Variants in NANS observed in about 807,000 individuals in gnomAD.
NANS encodes the protein N-acetylneuraminate-9-phosphate synthase.
A neutral mutation model predicts 33.3 loss-of-function variants in NANS; 29 were observed. The ratio of observed to expected loss-of-function variants is 0.87; its 90% confidence interval spans 0.65 to 1.19. The LOEUF is 1.19. Ranked by LOEUF, NANS falls within the 50% of genes most tolerant of loss-of-function variation. NANS has a pLI of 0.00. For missense variants in NANS, 394 were observed against 461.1 expected, an observed-to-expected ratio of 0.85 and a Z score of 1.33; for synonymous variants, 163 against 177.2, an observed-to-expected ratio of 0.92 and a Z score of 0.64.
intron 2 of NANS, among the ~76,000 whole-genome samples, chr9:98,068,144 T>G (rs991369408): frequency 6.6e-6 from 1 of 152,188 alleles, no homozygotes; most frequent in Non-Finnish European, 1.5e-5. Flanking sequence ...CTCATTTATT[T>G]TTATTTTTGA....
At chr9:98,069,589 G>A (rs1358224177) in intron 2 of NANS, 1 of 152,278 alleles carries the variant, frequency 6.6e-6, no homozygotes, top group African/African-American at 2.4e-5. Context: ...AACTATTGAT[G>A]CGTGCAGCAG....
chr9:98,080,128 C>T (rs934303352), intron 4 of NANS, among the ~76,000 whole-genome samples: 2 of 152,188 alleles, frequency 1.3e-5, no homozygotes. Flanking sequence ...GCAGGAGAAT[C>T]GCTTGAACCC....
chr9:98,080,830 C>A lies in NANS; in HGVS notation c.618C>A (p.Leu206=), dbSNP rs771758081. The part of the protein sequence containing the change: ...NLRVISEYQK[L]FPDIPIGYSG... ...CCATTTTAAAGGAATATCAGAAGCT[C>A]TTTCCTGACATTCCCATAGGGTATT... Residue 206 remains leucine, a synonymous_variant, in exon 5 of 6, where the codon CTC becomes CTA. Transcript: ENST00000210444. 2 of 1,583,684 alleles carry A rather than the reference C, an allele frequency of 1.3e-6. No individual in the cohort carries two copies. Among genetic ancestry groups the A allele is most frequent in the Non-Finnish European group, 1.7e-6 (2 of 1,161,010 alleles).
At chr9:98,062,079 A>G (rs1191692218) in intron 2 of NANS, among the ~76,000 whole-genome samples, 1 of 150,788 alleles carries the variant, frequency 6.6e-6, no homozygotes, top group African/African-American at 2.4e-5. Context: ...AAAATTAGCC[A>G]GGCGTGGTGG....
intron 2 of NANS, chr9:98,074,902 G>A (rs1829514310): frequency 1.3e-5 from 2 of 152,076 alleles, no homozygotes; most frequent in Admixed American, 1.3e-4. Context: ...AGAAGGGTAG[G>A]AAAATTAGAT....
chr9:98,065,242 A>G (rs1829101881), intron 2 of NANS, among the ~76,000 whole-genome samples: 1 of 151,558 alleles, frequency 6.6e-6, no homozygotes, highest in Admixed American at 6.6e-5. Flanking sequence ...TTTTCAACAG[A>G]GAATTACAAT....
At chr9:98,061,126 C>G in intron 2 of NANS, 129 bp downstream of exon 2, 1 of 828,426 alleles carries the variant, frequency 1.2e-6, no homozygotes, top group Non-Finnish European at 1.9e-6. Context: ...ACTGGAGAGG[C>G]TAGCAGGCGC....
chr9:98,080,087 A>G (rs553415604), intron 4 of NANS, among the ~76,000 whole-genome samples: 50 of 152,224 alleles, frequency 3.3e-4, no homozygotes, highest in African/African-American at 1.0e-3. Flanking sequence ...GGTGGCGGGC[A>G]CCCATAGTCC....
chr9:98,062,906 TAAAA>T (rs375704110), intron 2 of NANS, among the ~76,000 whole-genome samples: 2 of 151,544 alleles, frequency 1.3e-5, no homozygotes, highest in East Asian at 3.9e-4. Flanking sequence ...AGTTTAAAAT[TAAAA>T]AAAGTTTCTT....
chr9:98,058,983 G>A lies in NANS; in HGVS notation c.133-1799G>A, dbSNP rs144359973. On this transcript the variant is annotated intron_variant, in intron 1 of 5. Coordinates refer to ENST00000210444, the MANE Select transcript of NANS (RefSeq NM_018946.4). ...CCATCTTATGATTTGTCTAAGAGCA[G>A]GAGTAGTGATCTCAGCACTGACATT... 4.7e-4 allele frequency among the ~76,000 whole-genome samples: 71 copies of A among 152,202 alleles called. No individual in the cohort carries two copies. In the East Asian group the frequency reaches 0.013, roughly 29 times the overall value.
At position 98,076,935 on chromosome 9, in the gene NANS, G is replaced by C. The variant is rs374201767; in HGVS notation, c.366G>C (p.Leu122=). The stretch of plus-strand genomic sequence containing the variant: ...TTTTGTAGATGGCAGTTGAATTCCT[G>C]CATGAACTGAATGTTCCATTTTTCA... ...SGMDEMAVEF[L]HELNVPFFKV... Residue 122 remains leucine, a synonymous_variant, in exon 3 of 6, where the codon CTG becomes CTC. Transcript: ENST00000210444. 8 of 1,611,550 alleles carry C rather than the reference G, an allele frequency of 5.0e-6. No homozygotes were observed. The African/African-American group carries it at 1.1e-4, about 22-fold the overall frequency.
At chr9:98,075,235 A>C (rs1829529613) in intron 2 of NANS, 1 of 151,804 alleles carries the variant, frequency 6.6e-6, no homozygotes, top group African/African-American at 2.4e-5. Context: ...GGATTGCTTG[A>C]CCCCAGGAGT....
Position 98,064,276 on chromosome 9 carries a change from C to T in NANS, c.348+3279C>T, listed in dbSNP as rs1179690144. Reference sequence around the variant, plus strand: ...ATTCCCTATTTTTTTTTTTTAAAGACGGAGTCTTGGTCTGTTGCTCAAGCT... The same window carrying T: ...ATTCCCTATTTTTTTTTTTTAAAGATGGAGTCTTGGTCTGTTGCTCAAGCT... On this transcript the variant is annotated intron_variant, in intron 2 of 5. Coordinates refer to ENST00000210444, the MANE Select transcript of NANS (RefSeq NM_018946.4). Among the ~76,000 whole-genome samples, 108 of 151,596 alleles carry T rather than the reference C, an allele frequency of 7.1e-4. 1 individual carries two copies. The highest frequency in any genetic ancestry group is 5.9e-5 in the Non-Finnish European group (4 of 67,932).
chr9:98,065,402 C>T (rs542883595), intron 2 of NANS, among the ~76,000 whole-genome samples: 62 of 144,722 alleles, frequency 4.3e-4, no homozygotes, highest in African/African-American at 1.6e-3. Context: ...CTGCGACTTC[C>T]GCCTCCTGGG....
chr9:98,067,908 G>A (rs1829197306), intron 2 of NANS, among the ~76,000 whole-genome samples: 1 of 152,020 alleles, frequency 6.6e-6, no homozygotes, highest in East Asian at 1.9e-4. Flanking sequence ...TTTTTGTAGA[G>A]ACAAGATCTC....
At chr9:98,077,213 T>C (rs1358217093) in intron 3 of NANS, among the ~76,000 whole-genome samples, 196 bp downstream of exon 3, 1 of 152,078 alleles carries the variant, frequency 6.6e-6, no homozygotes, top group African/African-American at 2.4e-5. Flanking sequence ...TCCTCCCATC[T>C]CGACCTCCCA....
chr9:98,065,640 CTTT>C (rs751144623), intron 2 of NANS, among the ~76,000 whole-genome samples: 1 of 143,910 alleles, frequency 6.9e-6, no homozygotes, highest in Non-Finnish European at 1.5e-5. Context: ...CATCCAGCTG[CTTT>C]TTTTTTTTTC....
intron 2 of NANS, among the ~76,000 whole-genome samples, chr9:98,064,205 G>T (rs73492778): frequency 3.9e-5 from 6 of 151,982 alleles, no homozygotes; most frequent in Non-Finnish European, 5.9e-5. Context: ...CACAGCATTC[G>T]TACGCATGAC....
At chr9:98,057,596 A>C (rs1255925248) in intron 1 of NANS, among the ~76,000 whole-genome samples, 1 of 152,152 alleles carries the variant, frequency 6.6e-6, no homozygotes, top group African/African-American at 2.4e-5. Flanking sequence ...ATGGGGATCA[A>C]ATGAGATTCT....
Sources: allele counts gnomAD v4.1 joint callset (sites outside exome capture counted in the v4.1 genomes callset), GRCh38; gene constraint gnomAD v4.1.1; transcripts MANE v1.5; gene names NCBI Gene and HGNC (gene_info 2026-07-23, HGNC 2026-07-21).